SLC35F4: variants seen among roughly 807,000 people sequenced by gnomAD.
SLC35F4 encodes the protein chromosome 14 open reading frame 36.
A neutral mutation model predicts 44.2 loss-of-function variants in SLC35F4; 24 were observed. The ratio of observed to expected loss-of-function variants is 0.54; its 90% CI spans 0.39 to 0.76. The LOEUF is 0.76. Ranked by LOEUF, SLC35F4 falls within the 30% of genes least tolerant of loss-of-function variation. The pLI is 0.00. For missense variants in SLC35F4, 562 were observed against 586.1 expected (o/e 0.96, Z 0.42); for synonymous variants, 238 against 223.6 (o/e 1.06, Z -0.57).
chr14:57,796,156 C>G (rs751156585), intron 1 of SLC35F4, among the ~76,000 whole-genome samples: 4 of 152,136 alleles, frequency 2.6e-5, no homozygotes, highest in Non-Finnish European at 4.4e-5. Flanking sequence ...CATAGTATTC[C>G]ATGGTACATA....
rs1292288834 is a variant in SLC35F4 at position 57,566,523 on chromosome 14, G to A, written c.1168C>T (p.Pro390Ser). 2 of 1,602,356 alleles carry A rather than the reference G, an allele frequency of 1.2e-6. No homozygotes were observed. Among genetic ancestry groups the A allele is most frequent in the South Asian group, 1.1e-5 (1 of 87,924 alleles). ...LVNVGVVLTY[P>S]ILISIGTVLS... ...ACTGTCCCAATGGAGATTAGGATTGGGTATGTCAGCACCACCCCAACATTC... is the reference window on the plus strand; with the variant it reads ...ACTGTCCCAATGGAGATTAGGATTGAGTATGTCAGCACCACCCCAACATTC... Residue 390 changes from proline to serine, a missense_variant, in exon 7 of 8, where the codon CCA becomes TCA. By Grantham distance (74) the Pro-to-Ser change is moderately conservative (BLOSUM62 -1). Transcript: ENST00000556826.
intron 1 of SLC35F4, among the ~76,000 whole-genome samples, chr14:57,877,587 C>A (rs187410212): frequency 6.6e-6 from 1 of 151,062 alleles, no homozygotes; most frequent in African/African-American, 2.4e-5. Flanking sequence ...CTGCTTTCAA[C>A]AGTGGCTTAA....
At chr14:57,982,113 C>A (rs1329688259), upstream of SLC35F4, 4 of 152,154 alleles carry the variant, frequency 2.6e-5, no homozygotes, top group African/African-American at 9.7e-5. Flanking sequence ...AGATCAAAAA[C>A]CATGTCAGCA....
At chr14:57,654,338 C>A (rs563389076) in intron 1 of SLC35F4, among the ~76,000 whole-genome samples, 2 of 152,184 alleles carry the variant, frequency 1.3e-5, no homozygotes, top group African/African-American at 4.8e-5. Flanking sequence ...TGAGAATATG[C>A]AATATTTGGT....
At chr14:57,743,056 G>A (rs1034322848) in intron 1 of SLC35F4, among the ~76,000 whole-genome samples, 7 of 152,126 alleles carry the variant, frequency 4.6e-5, no homozygotes, top group Admixed American at 1.3e-4. Context: ...CAGAATCTCT[G>A]GGACACATTT....
chr14:57,630,647 G>C, intron 1 of SLC35F4: 1 of 716,440 alleles, frequency 1.4e-6, no homozygotes, highest in Non-Finnish European at 2.5e-6. Flanking sequence ...GGTCAAAATC[G>C]GTATCAAGGT....
At chr14:57,792,657 C>A (rs2077953062) in intron 1 of SLC35F4, among the ~76,000 whole-genome samples, 1 of 152,110 alleles carries the variant, frequency 6.6e-6, no homozygotes, top group Non-Finnish European at 1.5e-5. Flanking sequence ...GACCATTATT[C>A]TAAGTGAAGT....
chr14:57,570,977 A>C (rs1033914572), intron 5 of SLC35F4, among the ~76,000 whole-genome samples: 2 of 152,216 alleles, frequency 1.3e-5, no homozygotes, highest in Non-Finnish European at 2.9e-5. Context: ...AACATTTGTC[A>C]AGCTTGTCAC....
At chr14:57,740,971 G>A (rs544315350) in intron 1 of SLC35F4, among the ~76,000 whole-genome samples, 1 of 152,302 alleles carries the variant, frequency 6.6e-6, no homozygotes, top group South Asian at 2.1e-4. Flanking sequence ...GGCAAACAGG[G>A]TCTCGAGTGG....
chr14:57,966,589 C>T (rs757248659), intron 1 of SLC35F4, among the ~76,000 whole-genome samples: 12 of 152,032 alleles, frequency 7.9e-5, no homozygotes, highest in Non-Finnish European at 1.3e-4. Context: ...AAGCAATTTA[C>T]GTGGGGAATA....
chr14:57,813,447 A>T (rs1406821919), intron 1 of SLC35F4, among the ~76,000 whole-genome samples: 1 of 152,110 alleles, frequency 6.6e-6, no homozygotes, highest in African/African-American at 2.4e-5. Context: ...AAAATAAGCC[A>T]GGCATGGCAG....
intron 1 of SLC35F4, among the ~76,000 whole-genome samples, chr14:57,696,329 C>T (rs1005242584): frequency 4.6e-5 from 7 of 152,232 alleles, no homozygotes; most frequent in Non-Finnish European, 7.3e-5. Context: ...CTCATCATCA[C>T]TGGTCATTAG....
At chr14:57,866,919 G>A (rs111795156), upstream of SLC35F4, among the ~76,000 whole-genome samples, 740 of 150,566 alleles carry the variant, frequency 4.9e-3, 3 homozygotes, top group Non-Finnish European at 9.3e-3. Flanking sequence ...CAGTGGAGAC[G>A]ATTCCTCTGT....
intron 1 of SLC35F4, among the ~76,000 whole-genome samples, chr14:57,915,746 A>C (rs1889316097): frequency 6.6e-6 from 1 of 152,148 alleles, no homozygotes; most frequent in East Asian, 1.9e-4. Flanking sequence ...AATGGGCTTT[A>C]GTGTCCAGAT....
intron 1 of SLC35F4, among the ~76,000 whole-genome samples, chr14:57,628,064 ATTCT>A (rs1207359011): frequency 1.3e-5 from 2 of 151,960 alleles, no homozygotes; most frequent in Non-Finnish European, 2.9e-5. Flanking sequence ...CTTATATAGA[ATTCT>A]TTCTTTATAT....
intron 1 of SLC35F4, among the ~76,000 whole-genome samples, chr14:57,966,463 C>T (rs12589054): frequency 0.1 from 15,362 of 150,074 alleles, 999 homozygotes; most frequent in African/African-American, 0.19. Context: ...GACCCATAAA[C>T]CATTTAAAAA....
chr14:57,646,099 C>T (rs1429761801), intron 1 of SLC35F4, among the ~76,000 whole-genome samples: 1 of 152,090 alleles, frequency 6.6e-6, no homozygotes, highest in South Asian at 2.1e-4. Flanking sequence ...TTTGTTGTGT[C>T]TCTGCCAGGT....
intron 1 of SLC35F4, among the ~76,000 whole-genome samples, chr14:57,699,928 A>G (rs1361391978): frequency 6.6e-6 from 1 of 152,198 alleles, no homozygotes; most frequent in Non-Finnish European, 1.5e-5. Flanking sequence ...GTCTAATTGC[A>G]CAGGATAACT....
chr14:57,705,701 T>C (rs567502600), intron 1 of SLC35F4, among the ~76,000 whole-genome samples: 1 of 152,312 alleles, frequency 6.6e-6, no homozygotes, highest in East Asian at 1.9e-4. Flanking sequence ...TCCACTGTGA[T>C]TAGACTCTGA....
Sources: allele counts gnomAD v4.1 joint callset (sites outside exome capture counted in the v4.1 genomes callset), GRCh38; gene constraint gnomAD v4.1.1; transcripts MANE v1.5; gene names NCBI Gene and HGNC (gene_info 2026-07-23, HGNC 2026-07-21).